ARHGAP24: variants seen among roughly 807,000 people sequenced by gnomAD.
ARHGAP24 encodes the protein Rho GTPase activating protein 24.
A neutral mutation model predicts 76.4 loss-of-function variants in ARHGAP24; 50 were observed. The observed-to-expected ratio is 0.65, with a 90% CI of 0.52 to 0.83. The LOEUF is 0.83. Ranked by LOEUF, ARHGAP24 falls within the 40% of genes least tolerant of loss-of-function variation. The pLI, the probability that ARHGAP24 is intolerant of heterozygous loss-of-function variation, is 0.00. For synonymous variants in ARHGAP24, 345 were observed against 323.3 expected (o/e 1.07, Z -0.72); for missense variants, 930 against 914.2 (o/e 1.02, Z -0.22).
intron 1 of ARHGAP24, among the ~76,000 whole-genome samples, chr4:85,569,875 C>T (rs1727010365): frequency 6.6e-6 from 1 of 152,196 alleles, no homozygotes; most frequent in Non-Finnish European, 1.5e-5. Flanking sequence ...ACACGTCAGG[C>T]TAGCTCTTGC....
chr4:85,567,919 T>C (rs1026618441), intron 1 of ARHGAP24, among the ~76,000 whole-genome samples: 2 of 152,244 alleles, frequency 1.3e-5, no homozygotes, highest in Admixed American at 1.3e-4. Context: ...TCTGTTTTAA[T>C]GAATTGTTAC....
chr4:85,794,684 T>C (rs1221725788), intron 3 of ARHGAP24, among the ~76,000 whole-genome samples: 1 of 152,216 alleles, frequency 6.6e-6, no homozygotes, highest in Admixed American at 6.5e-5. Context: ...GGTTTCGCCA[T>C]GTTGGCCAGG....
At chr4:85,748,457 A>G (rs1726134512) in intron 3 of ARHGAP24, among the ~76,000 whole-genome samples, 1 of 152,216 alleles carries the variant, frequency 6.6e-6, no homozygotes, top group Admixed American at 6.5e-5. Context: ...CACATCTTTT[A>G]TTTGTAGTAC....
intron 8 of ARHGAP24, chr4:85,990,343 G>A (rs925850443): frequency 6.6e-6 from 1 of 151,626 alleles, no homozygotes; most frequent in Non-Finnish European, 1.5e-5. Flanking sequence ...ATATTATTAA[G>A]CTATTAATTT....
chr4:85,595,699 C>T (rs963671928), intron 2 of ARHGAP24, among the ~76,000 whole-genome samples: 1 of 151,894 alleles, frequency 6.6e-6, no homozygotes, highest in African/African-American at 2.4e-5. Flanking sequence ...ACAAGCTTCC[C>T]AGGATGATTT....
chr4:85,704,439 A>C (rs753701724), intron 2 of ARHGAP24, among the ~76,000 whole-genome samples: 56 of 152,134 alleles, frequency 3.7e-4, no homozygotes, highest in South Asian at 6.2e-4. Context: ...TTATCTTATA[A>C]GATAGTTTTG....
At chr4:85,501,643 T>G (rs532924408) in intron 1 of ARHGAP24, among the ~76,000 whole-genome samples, 1 of 152,224 alleles carries the variant, frequency 6.6e-6, no homozygotes, top group Non-Finnish European at 1.5e-5. Flanking sequence ...ATGGGTAGAT[T>G]GCAAAAATTT....
At chr4:85,766,509 C>T (rs994306737) in intron 3 of ARHGAP24, among the ~76,000 whole-genome samples, 2 of 152,074 alleles carry the variant, frequency 1.3e-5, no homozygotes, top group East Asian at 3.8e-4. Flanking sequence ...ACCCTGGAGC[C>T]ATAATCAGAA....
intron 1 of ARHGAP24, among the ~76,000 whole-genome samples, chr4:85,508,507 C>T (rs1036802668): frequency 4.6e-5 from 7 of 152,122 alleles, no homozygotes; most frequent in Non-Finnish European, 7.4e-5. Flanking sequence ...GGCAAAAAGA[C>T]CGAGTTTTGT....
rs148452215 is a variant in ARHGAP24 at position 85,618,557 on chromosome 4, A to C, written c.180+47836A>C. Among the ~76,000 whole-genome samples the C allele has an allele frequency of 1.5e-3, 232 of 152,252 alleles. 1 individual carries two copies. The highest frequency in any genetic ancestry group is 5.4e-3 in the African/African-American group (226 of 41,580). ...TTTTTTAGTTTTTTGAGGAACTCCC[A>C]TACTGTTTCCCATAATGGCTGTAAT... is the stretch of plus-strand genomic sequence containing the variant. On this transcript the variant is annotated intron_variant, in intron 2 of 9. Transcript: ENST00000395184.
Position 86,002,449 on chromosome 4 carries a change from C to T in ARHGAP24, c.*1727C>T, listed in dbSNP as rs1364925116. On this transcript the variant is annotated 3_prime_UTR_variant, in exon 10 of 10. Transcript: ENST00000395184. The stretch of plus-strand genomic sequence containing the variant: ...AAAATATGAAAATTGATCTTAATAA[C>T]TCTCCCTTCATATCTTTTCACCTAT... 6.6e-6 allele frequency: 1 copy of T among 152,076 alleles called. No homozygotes were observed. 9.4% of individuals were successfully genotyped at this position (152,076 alleles called of 1,614,324 possible). A position where few individuals can be genotyped will look rare whatever the true frequency, so the allele number is the denominator to read the frequency against.
intron 9 of ARHGAP24, among the ~76,000 whole-genome samples, chr4:85,997,359 ATAGAT>A (rs879934266): frequency 0.047 from 6,814 of 143,744 alleles, 532 homozygotes; most frequent in African/African-American, 0.18. Context: ...TAGATAATAG[ATAGAT>A]GATAGATATA....
chr4:85,581,443 G>C (rs1024758748), intron 2 of ARHGAP24, among the ~76,000 whole-genome samples: 2 of 152,092 alleles, frequency 1.3e-5, no homozygotes, highest in African/African-American at 2.4e-5. Flanking sequence ...AAATAAAATA[G>C]TGCAGATAAA....
chr4:85,487,660 T>G (rs1438749150), intron 1 of ARHGAP24, among the ~76,000 whole-genome samples: 2 of 107,114 alleles, frequency 1.9e-5, no homozygotes, highest in East Asian at 5.1e-4. Context: ...TTATTACATA[T>G]TATATAAACA....
chr4:85,563,580 C>CTG (rs1306963278), intron 1 of ARHGAP24, among the ~76,000 whole-genome samples: 1 of 152,194 alleles, frequency 6.6e-6, no homozygotes, highest in Non-Finnish European at 1.5e-5. Context: ...TATCCAAATA[C>CTG]CATCACACTG....
At chr4:85,795,806 A>T (rs1481206140) in intron 3 of ARHGAP24, among the ~76,000 whole-genome samples, 3 of 152,224 alleles carry the variant, frequency 2.0e-5, no homozygotes, top group Non-Finnish European at 4.4e-5. Context: ...AGTAACTTGT[A>T]GTATTTCTTT....
At chr4:85,934,510 A>T (rs1169323715) in intron 4 of ARHGAP24, among the ~76,000 whole-genome samples, 1 of 151,792 alleles carries the variant, frequency 6.6e-6, no homozygotes, top group Non-Finnish European at 1.5e-5. Context: ...TTTTATTTTT[A>T]TTTATTTATT....
chr4:85,893,952 G>T (rs1361046572), intron 3 of ARHGAP24, among the ~76,000 whole-genome samples: 2 of 116,368 alleles, frequency 1.7e-5, no homozygotes, highest in African/African-American at 3.3e-5. Context: ...ACTGTGGTGG[G>T]GTGGGGGGAG....
intron 2 of ARHGAP24, among the ~76,000 whole-genome samples, chr4:85,662,004 A>G (rs1406626455): frequency 6.6e-6 from 1 of 152,204 alleles, no homozygotes; most frequent in African/African-American, 2.4e-5. Flanking sequence ...TTATAGCAGC[A>G]TGATTTGTAG....
Sources: gnomAD v4.1 joint callset for allele counts (sites outside exome capture counted in the v4.1 genomes callset) on GRCh38, gnomAD v4.1.1 for gene constraint, MANE v1.5 for transcripts, NCBI Gene and HGNC (gene_info 2026-07-23, HGNC 2026-07-21) for gene names.